CCDC171: variants seen among roughly 807,000 people sequenced by gnomAD.
CCDC171 encodes the protein coiled-coil domain containing 171, also known as coiled-coil domain-containing protein 171.
CCDC171 carries 177 observed loss-of-function variants against 168.2 expected under a neutral mutation model. The ratio of observed to expected loss-of-function variants is 1.05; its 90% CI spans 0.93 to 1.19. CCDC171 has a LOEUF of 1.19. Ranked by LOEUF, CCDC171 falls within the 50% of genes most tolerant of loss-of-function variation. The pLI, the probability that CCDC171 is intolerant of heterozygous loss-of-function variation, is 0.00. For synonymous variants in CCDC171, 687 were observed against 540.8 expected (o/e 1.27, Z -3.75); for missense variants, 1,991 against 1,539.0 (o/e 1.29, Z -4.91).
chr9:15,651,006 C>T (rs1485097714), intron 7 of CCDC171, among the ~76,000 whole-genome samples: 2 of 152,124 alleles, frequency 1.3e-5, no homozygotes, highest in African/African-American at 4.8e-5. Context: ...TTCCCTGCCA[C>T]CCACACCCTG....
chr9:15,892,648 G>A (rs561401393), intron 24 of CCDC171, among the ~76,000 whole-genome samples: 18 of 152,114 alleles, frequency 1.2e-4, no homozygotes, highest in African/African-American at 3.4e-4. Flanking sequence ...CAGGCAAGCC[G>A]AAAGTCAAAT....
rs1421393822 is a variant in CCDC171 at position 15,874,578 on chromosome 9, A to G, written c.3515A>G (p.Asp1172Gly). The change falls in exon 24 of 26, where the codon GAC becomes GGC. Residue 1172 changes from aspartate to glycine, a missense_variant. Physicochemically the swap from Asp to Gly is moderately conservative, Grantham distance 94 (BLOSUM62 -1). Transcript: ENST00000380701. ...TCATGGTCTGCGGCAAGTAGGAATG[A>G]CTTCACCCTACAGCTACCCAAACTG... ...SLSWSAASRNDFTLQLPKLHL... is the reference protein window; with the variant it reads ...SLSWSAASRNGFTLQLPKLHL... 1.2e-6 allele frequency: 2 copies of G among 1,608,202 alleles called. No individual in the cohort carries two copies. The highest frequency in any genetic ancestry group is 2.2e-5 in the South Asian group (2 of 89,940).
At chr9:15,981,246 A>G (rs1008450025) in intron 3 of CCDC171, among the ~76,000 whole-genome samples, 4 of 152,146 alleles carry the variant, frequency 2.6e-5, no homozygotes, top group Middle Eastern at 3.2e-3. Context: ...AGAAGAGGTC[A>G]TGAGAGTCCT....
chr9:15,588,404 T>C, intron 4 of CCDC171: 1 of 282,878 alleles, frequency 3.5e-6, no homozygotes, highest in South Asian at 3.9e-5. Flanking sequence ...AAAGCCAAGC[T>C]ACAGAGAAGA....
intron 25 of CCDC171, among the ~76,000 whole-genome samples, chr9:15,955,910 CAAGT>C (rs1479074758): frequency 3.9e-5 from 6 of 151,974 alleles, no homozygotes; most frequent in Non-Finnish European, 8.8e-5. Context: ...TAAAGCAGTA[CAAGT>C]AAGAATTGAG....
chr9:15,692,408 TTTAC>T (rs2050869499), intron 10 of CCDC171, among the ~76,000 whole-genome samples: 1 of 130,404 alleles, frequency 7.7e-6, no homozygotes, highest in African/African-American at 2.5e-5. Flanking sequence ...TGTTGGCTTA[TTTAC>T]TTTTTACTCT....
chr9:15,567,393 G>T (rs1343884274), intron 2 of CCDC171, among the ~76,000 whole-genome samples: 1 of 152,110 alleles, frequency 6.6e-6, no homozygotes, highest in Non-Finnish European at 1.5e-5. Context: ...TTTCCCATTT[G>T]TTCTTCAAGA....
chr9:15,724,750 A>T (rs201777863), intron 13 of CCDC171, 26 bp from the exon 14 acceptor site: 6 of 1,568,458 alleles, frequency 3.8e-6, no homozygotes, highest in Non-Finnish European at 5.3e-6. Context: ...CCTTTCTACA[A>T]TCTCTTTATT....
intron 6 of CCDC171, among the ~76,000 whole-genome samples, chr9:15,619,634 G>A (rs1316257199): frequency 6.6e-6 from 1 of 152,194 alleles, no homozygotes; most frequent in Non-Finnish European, 1.5e-5. Context: ...GGTGAAACAA[G>A]TGCTTATGTA....
At chr9:16,087,679 T>C in the CCDC171 span, among the ~76,000 whole-genome samples, 1 of 151,344 alleles carries the variant, frequency 6.6e-6, no homozygotes, top group Non-Finnish European at 1.5e-5. Context: ...AGCACACTGA[T>C]GGGTCTTGAC....
At chr9:15,819,184 C>A (rs2059671594) in intron 21 of CCDC171, among the ~76,000 whole-genome samples, 1 of 117,734 alleles carries the variant, frequency 8.5e-6, no homozygotes, top group African/African-American at 3.2e-5. Context: ...GCAAGAGCTC[C>A]TGAAGGAAGC....
intron 24 of CCDC171, among the ~76,000 whole-genome samples, chr9:15,888,707 C>G (rs565062006): frequency 1.3e-5 from 2 of 151,968 alleles, no homozygotes; most frequent in Admixed American, 6.6e-5. Flanking sequence ...GCAACAACTC[C>G]GAATGATATA....
At chr9:15,838,823 G>A (rs1212136640) in intron 21 of CCDC171, among the ~76,000 whole-genome samples, 3 of 152,178 alleles carry the variant, frequency 2.0e-5, no homozygotes, top group Non-Finnish European at 4.4e-5. Flanking sequence ...TAACTAGGAA[G>A]AGGTAGCTAC....
chr9:15,598,995 T>C (rs2042610789), intron 6 of CCDC171, among the ~76,000 whole-genome samples: 3 of 152,196 alleles, frequency 2.0e-5, no homozygotes, highest in African/African-American at 7.2e-5. Flanking sequence ...GTTTTCCATT[T>C]GCTTGGTGGA....
At chr9:15,847,626 T>A (rs2060956306) in intron 22 of CCDC171, among the ~76,000 whole-genome samples, 1 of 152,104 alleles carries the variant, frequency 6.6e-6, no homozygotes, top group African/African-American at 2.4e-5. Context: ...CTAATTTTGA[T>A]AAACGCAGTG....
At chr9:15,602,471 C>G (rs193095596) in intron 6 of CCDC171, among the ~76,000 whole-genome samples, 77 of 151,874 alleles carry the variant, frequency 5.1e-4, no homozygotes, top group African/African-American at 1.7e-3. Context: ...AGAATTCAGA[C>G]CCACCATAAA....
chr9:15,706,214 A>G (rs1188785267), intron 11 of CCDC171, among the ~76,000 whole-genome samples: 1 of 139,920 alleles, frequency 7.1e-6, no homozygotes, highest in African/African-American at 2.6e-5. Context: ...GAACCCATGT[A>G]GTCTTCCTTC....
rs2042164850 is a variant in CCDC171, at chr9:15,593,982, G to T, written c.544-59G>T. On this transcript the variant is annotated intron_variant, in intron 5 of 25. Transcript: ENST00000380701. ...AGCCTCTTTGTACATTTAAACTGGG[G>T]ATGAAGGAAGATAACTTTTATTGAT... 21 of 1,172,364 alleles carry T rather than the reference G, an allele frequency of 1.8e-5. No homozygotes were observed. The South Asian group carries it at 2.8e-4, about 16-fold the overall frequency. 72.6% of individuals were successfully genotyped at this position (1,172,364 alleles called of 1,614,324 possible).
chr9:15,578,811 T>A, intron 3 of CCDC171, 38 bp from the exon 4 acceptor site: 15 of 1,565,900 alleles, frequency 9.6e-6, no homozygotes, highest in Non-Finnish European at 1.3e-5. Flanking sequence ...GATCTCATAA[T>A]CTTTGGACAC....
Sources: allele counts gnomAD v4.1 joint callset (sites outside exome capture counted in the v4.1 genomes callset), GRCh38; gene constraint gnomAD v4.1.1; transcripts MANE v1.5; gene names NCBI Gene and HGNC (gene_info 2026-07-23, HGNC 2026-07-21).